Variants in BTBD9 observed in about 807,000 individuals in gnomAD.
BTBD9 encodes BTB domain containing 9.
In BTBD9, 49 loss-of-function variants were observed where a neutral mutation model predicts 64.3. The observed-to-expected ratio is 0.76, with a 90% CI of 0.61 to 0.97. The LOEUF is 0.97. Ranked by LOEUF, BTBD9 falls within the 50% of genes least tolerant of loss-of-function variation. The pLI, the probability that BTBD9 is intolerant of heterozygous loss-of-function variation, is 0.00. For missense variants in BTBD9, 598 were observed against 762.1 expected, an observed-to-expected ratio of 0.78 and a Z score of 2.53; for synonymous variants, 260 against 274.7, an observed-to-expected ratio of 0.95 and a Z score of 0.53.
chr6:38,193,234 G>C (rs1046749778), intron 9 of BTBD9, among the ~76,000 whole-genome samples: 2 of 152,124 alleles, frequency 1.3e-5, no homozygotes, highest in African/African-American at 4.8e-5. Context: ...AGCTCGGCAG[G>C]CTTCTGGGAG....
chr6:38,551,529 T>C (rs1431403051), intron 6 of BTBD9, among the ~76,000 whole-genome samples: 1 of 152,218 alleles, frequency 6.6e-6, no homozygotes, highest in Non-Finnish European at 1.5e-5. Context: ...ATAGCAAACC[T>C]TCTCCTACAA....
chr6:38,332,762 G>T (rs1763730923), intron 7 of BTBD9, among the ~76,000 whole-genome samples: 1 of 151,798 alleles, frequency 6.6e-6, no homozygotes, highest in African/African-American at 2.4e-5. Context: ...CATTAAAATG[G>T]GAAGAACCAA....
rs573268206 is a variant in BTBD9 at position 38,179,977 on chromosome 6, C to T, written c.1642-4795G>A. The T allele has an allele frequency of 1.0e-5, 4 of 388,452 alleles. No homozygotes were observed. In the East Asian group the frequency reaches 2.9e-4, roughly 28 times the overall value. The allele number at this position is 388,452 out of a possible 1,614,324, so 24.1% of individuals were successfully genotyped here. A position where few individuals can be genotyped will look rare whatever the true frequency, so the allele number is the denominator to read the frequency against. ...TGGCACCTCACTCCTGGCAGCCTGTCTGTAATTCACTCTGGTCACCCCTCT... is the reference window on the plus strand; with the variant it reads ...TGGCACCTCACTCCTGGCAGCCTGTTTGTAATTCACTCTGGTCACCCCTCT... On this transcript the variant is annotated intron_variant, in intron 10 of 10. Coordinates refer to ENST00000481247, the MANE Select transcript of BTBD9 (RefSeq NM_001099272.2).
At chr6:38,519,090 T>C (rs1011483507) in intron 6 of BTBD9, among the ~76,000 whole-genome samples, 1 of 152,242 alleles carries the variant, frequency 6.6e-6, no homozygotes, top group Middle Eastern at 3.2e-3. Context: ...GGAAGCTTTC[T>C]GCTGCAGATA....
At chr6:38,549,278 C>G (rs1774691316) in intron 6 of BTBD9, among the ~76,000 whole-genome samples, 1 of 152,198 alleles carries the variant, frequency 6.6e-6, no homozygotes, top group Admixed American at 6.5e-5. Flanking sequence ...ACCCAACCAG[C>G]TATTATGGTT....
At chr6:38,639,500 A>T (rs1438234883) in intron 1 of BTBD9, among the ~76,000 whole-genome samples, 2 of 152,124 alleles carry the variant, frequency 1.3e-5, no homozygotes, top group African/African-American at 4.8e-5. Context: ...CTGCTAGGGA[A>T]CCTGGGCTGC....
Position 38,169,725 on chromosome 6 carries a change from G to A in BTBD9, c.*5260C>T, listed in dbSNP as rs943632751. 6.6e-6 allele frequency: 1 copy of A among 152,310 alleles called. No homozygotes were observed. The highest frequency in any genetic ancestry group is 1.5e-5 in the Non-Finnish European group (1 of 68,128). 9.4% of individuals were successfully genotyped at this position (152,310 alleles called of 1,614,324 possible). ...AACCAGGGGACACTAGTGGGGACAG[G>A]TGTGTAGCTCCTGGCTGCAGGGCCT... On this transcript the variant is annotated 3_prime_UTR_variant, in exon 11 of 11. Transcript: ENST00000481247.
Position 38,576,158 on chromosome 6 carries a change from CTG to C in BTBD9, c.1154+1440_1154+1441del, listed in dbSNP as rs368461796. The stretch of plus-strand genomic sequence containing the variant: ...CATATCAGACGCTTTGTTATGCTGC[CTG>C]TGTTTTAATCAGATACAACAGTAAT... On this transcript the variant is annotated intron_variant, in intron 6 of 10. Coordinates refer to ENST00000481247, the MANE Select transcript of BTBD9 (RefSeq NM_001099272.2). 2.8e-3 allele frequency among the ~76,000 whole-genome samples: 432 copies of C among 152,208 alleles called. 5 individuals carry two copies. The highest frequency in any genetic ancestry group is 9.3e-3 in the African/African-American group (388 of 41,520).
chr6:38,563,848 C>G (rs1407447442), intron 6 of BTBD9, among the ~76,000 whole-genome samples: 2 of 140,186 alleles, frequency 1.4e-5, no homozygotes, highest in Non-Finnish European at 3.0e-5. Context: ...GTGGCACGAT[C>G]TTGGCTCACT....
chr6:38,272,703 C>G (rs1259555228), intron 8 of BTBD9, among the ~76,000 whole-genome samples: 1 of 152,124 alleles, frequency 6.6e-6, no homozygotes, highest in Non-Finnish European at 1.5e-5. Flanking sequence ...TATTATTTAT[C>G]TGGTTACCAC....
intron 9 of BTBD9, among the ~76,000 whole-genome samples, chr6:38,226,013 C>A (rs931817845): frequency 7.9e-5 from 12 of 152,224 alleles, no homozygotes; most frequent in African/African-American, 2.9e-4. Flanking sequence ...TCTCTACTTT[C>A]CAGGGTTCCC....
intron 6 of BTBD9, among the ~76,000 whole-genome samples, chr6:38,441,567 C>T (rs1382799418): frequency 3.3e-5 from 5 of 151,978 alleles, no homozygotes; most frequent in Non-Finnish European, 5.9e-5. Flanking sequence ...CACCCGCTAC[C>T]GTGCCTGGCT....
At chr6:38,488,139 T>A (rs1007772784) in intron 6 of BTBD9, among the ~76,000 whole-genome samples, 2 of 152,100 alleles carry the variant, frequency 1.3e-5, no homozygotes, top group Non-Finnish European at 2.9e-5. Flanking sequence ...AAATTTTTTG[T>A]AGAGACAGTG....
chr6:38,386,095 T>C (rs1042076586), intron 6 of BTBD9, among the ~76,000 whole-genome samples: 28 of 152,186 alleles, frequency 1.8e-4, no homozygotes, highest in Admixed American at 1.8e-3. Context: ...CGCCCAACAA[T>C]AATATCCTAC....
rs1018548279 is a variant in BTBD9 at position 38,174,866 on chromosome 6, C to T, written c.*119G>A. 3.8e-5 allele frequency: 45 copies of T among 1,188,344 alleles called. 1 individual carries two copies. The South Asian group carries it at 4.9e-4, about 13-fold the overall frequency. The allele number at this position is 1,188,344 out of a possible 1,614,324, so 73.6% of individuals were successfully genotyped here. A position where few individuals can be genotyped will look rare whatever the true frequency, so the allele number is the denominator to read the frequency against. ...TCGGTGTCTGCTTTTGCAGCTAGGT[C>T]GGCTCCTCCCTGGAAAGGGGCAGAG... is the stretch of plus-strand genomic sequence containing the variant. On this transcript the variant is annotated 3_prime_UTR_variant, in exon 11 of 11. Transcript: ENST00000481247.
intron 6 of BTBD9, among the ~76,000 whole-genome samples, chr6:38,406,621 T>C (rs6903060): frequency 0.38 from 57,549 of 152,090 alleles, 13,269 homozygotes; most frequent in East Asian, 0.87. Context: ...TAGTCCTGGA[T>C]ATGCAATCTT....
chr6:38,324,324 C>T (rs1462388617), intron 7 of BTBD9, among the ~76,000 whole-genome samples: 21 of 152,074 alleles, frequency 1.4e-4, no homozygotes. Context: ...TACGCATTAG[C>T]CAACCAAAGC....
At chr6:38,473,931 TAGAA>T (rs1283549685) in intron 6 of BTBD9, among the ~76,000 whole-genome samples, 3 of 152,158 alleles carry the variant, frequency 2.0e-5, no homozygotes, top group Non-Finnish European at 2.9e-5. Context: ...AAGAGTATTC[TAGAA>T]AGAAAGGCAA....
chr6:38,333,393 T>C (rs228180), intron 7 of BTBD9, among the ~76,000 whole-genome samples: 105,667 of 152,142 alleles, frequency 0.69, 38,706 homozygotes, highest in East Asian at 0.95. Context: ...TGCAGTATTT[T>C]CACTCTTCTG....
Sources: allele counts gnomAD v4.1 joint callset (sites outside exome capture counted in the v4.1 genomes callset), GRCh38; gene constraint gnomAD v4.1.1; transcripts MANE v1.5; gene names NCBI Gene and HGNC (gene_info 2026-07-23, HGNC 2026-07-21).